The following ZNF530 variants were observed in gnomAD, a reference collection of about 807,000 sequenced individuals.
The protein encoded by ZNF530 is zinc finger protein 530.
Under a neutral mutation model 2.8 loss-of-function variants are expected in ZNF530, and 5 were observed. That is an observed-to-expected ratio of 1.80 (90% CI 0.94 to 3.78). The LOEUF is 3.78. Among genes scored for constraint, ZNF530 ranks in the 30% most tolerant of loss-of-function variants. ZNF530 has a pLI of 0.00. For synonymous variants in ZNF530, 229 were observed against 235.0 expected, an observed-to-expected ratio of 0.97 and a Z score of 0.23; for missense variants, 619 against 673.3, an observed-to-expected ratio of 0.92 and a Z score of 0.89.
intron 2 of ZNF530, 63 bp from the exon 3 acceptor site, chr19:57,604,214 G>T (rs1265472513): frequency 6.2e-7 from 1 of 1,609,302 alleles, no homozygotes; most frequent in Non-Finnish European, 8.5e-7. Context: ...ATGGATGTTT[G>T]GGGGAATCAA....
chr19:57,604,638 C>A, intron 3 of ZNF530: 1 of 427,414 alleles, frequency 2.3e-6, no homozygotes, highest in Non-Finnish European at 4.1e-6. Flanking sequence ...TTCTTTCAAC[C>A]TAAAGGATTT....
Position 57,606,442 on chromosome 19 carries a change from A to G in ZNF530, c.818A>G (p.Gln273Arg). Residue 273 changes from glutamine (Q) to arginine (R), a missense_variant, in exon 4 of 4, where the codon CAG (glutamine) becomes CGG (arginine). Gln to Arg is a conservative substitution (Grantham distance 43). Coordinates refer to ENST00000597700, the MANE Select transcript of ZNF530 (RefSeq NM_001321981.2). ...DCSECGKSFR[Q>R]VSVLIQHQRV... is the part of the protein sequence containing the mutation. ...AGTGAATGTGGCAAATCCTTTCGCC[A>G]GGTATCTGTCCTCATTCAACATCAA... The G allele has an allele frequency of 2.5e-6, 4 of 1,613,788 alleles. No individual in the cohort carries two copies. The highest frequency in any genetic ancestry group is 3.4e-6 in the Non-Finnish European group (4 of 1,179,914).
chr19:57,607,004 C>G lies in ZNF530; in HGVS notation c.1380C>G (p.Cys460Trp), dbSNP rs748544463. Residue 460 changes from cysteine to tryptophan, a missense_variant, in exon 4 of 4, where the codon TGC becomes TGG. Physicochemically the swap from Cys to Trp is radical, Grantham distance 215. Coordinates refer to ENST00000597700, the MANE Select transcript of ZNF530 (RefSeq NM_001321981.2). ...TVHTGERPYE[C>W]SVCGKSFIRK... is the part of the protein sequence containing the mutation. ...ACACTGGAGAAAGGCCTTATGAGTG[C>G]AGTGTATGTGGGAAATCTTTTATCC... 1 of 1,614,134 alleles carries G rather than the reference C, an allele frequency of 6.2e-7. No individual in the cohort carries two copies. The highest frequency in any genetic ancestry group is 1.7e-5 in the Admixed American group (1 of 59,994).
chr19:57,606,753 A>C lies in ZNF530; in HGVS notation c.1129A>C (p.Ser377Arg), dbSNP rs778819015. Residue 377 changes from serine (S) to arginine (R), a missense_variant, in exon 4 of 4, where the codon AGT (serine) becomes CGT (arginine). Ser to Arg is a moderately radical substitution (Grantham distance 110). Coordinates refer to ENST00000597700, the MANE Select transcript of ZNF530 (RefSeq NM_001321981.2). ...FHTGERPYVCSECGKSFGQKS... is the reference protein window; with the variant it reads ...FHTGERPYVCRECGKSFGQKS... ...CACTGGAGAAAGACCTTATGTGTGC[A>C]GTGAATGTGGGAAATCATTTGGCCA... is the stretch of plus-strand genomic sequence containing the variant. 6.2e-7 allele frequency: 1 copy of C among 1,614,118 alleles called. No individual in the cohort carries two copies. Among genetic ancestry groups the C allele is most frequent in the South Asian group, 1.1e-5 (1 of 91,084 alleles).
At chr19:57,603,925 A>T (rs539548254) in intron 2 of ZNF530, among the ~76,000 whole-genome samples, 1 of 152,184 alleles carries the variant, frequency 6.6e-6, no homozygotes, top group African/African-American at 2.4e-5. Flanking sequence ...AGTGATGCAC[A>T]TATGAAGACG....
Position 57,606,609 on chromosome 19 carries a change from C to T in ZNF530, c.985C>T (p.His329Tyr). Residue 329 changes from histidine (H) to tyrosine (Y), a missense_variant, in exon 4 of 4, where the codon CAT (histidine) becomes TAT (tyrosine). Transcript: ENST00000597700. ...ECSECGKSFS[H>Y]STNLFRHWRV... Reference sequence around the variant, plus strand: ...CAGTGAATGTGGAAAATCCTTTAGCCATAGCACTAACCTCTTTCGACACTG... The same window carrying T: ...CAGTGAATGTGGAAAATCCTTTAGCTATAGCACTAACCTCTTTCGACACTG... The T allele has an allele frequency of 1.2e-6, 2 of 1,613,922 alleles. No homozygotes were observed. Among genetic ancestry groups the T allele is most frequent in the Non-Finnish European group, 1.7e-6 (2 of 1,179,982 alleles).
downstream of ZNF530, chr19:57,612,701 A>C (rs1297663146): frequency 5.1e-6 from 2 of 390,736 alleles, no homozygotes; most frequent in East Asian, 7.2e-5. Flanking sequence ...TAAATAAATA[A>C]AATTACATTT....
downstream of ZNF530, among the ~76,000 whole-genome samples, chr19:57,611,638 T>C (rs954060883): frequency 1.3e-5 from 2 of 152,190 alleles, no homozygotes; most frequent in African/African-American, 4.8e-5. Context: ...TGTGGTTCAC[T>C]GGCTCCAGGT....
chr19:57,606,354 A>C lies in ZNF530; in HGVS notation c.730A>C (p.Ser244Arg). The change falls in exon 4 of 4, where the codon AGT (serine) becomes CGT (arginine). Residue 244 changes from serine to arginine, a missense_variant. Coordinates refer to ENST00000597700, the MANE Select transcript of ZNF530 (RefSeq NM_001321981.2). ...HECSECGKSFSRKTHLTQHQR... is the reference protein window; with the variant it reads ...HECSECGKSFRRKTHLTQHQR... ...ATGTAGTGAATGTGGGAAATCATTT[A>C]GTCGCAAAACTCACCTAACTCAACA... is the stretch of plus-strand genomic sequence containing the variant. 1 of 1,614,182 alleles carries C rather than the reference A, an allele frequency of 6.2e-7. No individual in the cohort carries two copies. Among genetic ancestry groups the C allele is most frequent in the Non-Finnish European group, 8.5e-7 (1 of 1,179,990 alleles).
At chr19:57,612,435 A>G, downstream of ZNF530, 1 of 400,470 alleles carries the variant, frequency 2.5e-6, no homozygotes, top group Non-Finnish European at 4.4e-6. Context: ...GCATAATACT[A>G]CAGCATCCCT....
chr19:57,599,907 T>A lies in ZNF530; in HGVS notation c.-349T>A, dbSNP rs1253217052. The A allele has an allele frequency of 1.9e-6, 1 of 531,340 alleles. No homozygotes were observed. Among genetic ancestry groups the A allele is most frequent in the Admixed American group, 3.2e-5 (1 of 31,140 alleles). 32.9% of individuals were successfully genotyped at this position (531,340 alleles called of 1,614,324 possible). On this transcript the variant is annotated 5_prime_UTR_variant, in exon 1 of 4. Coordinates refer to ENST00000597700, the MANE Select transcript of ZNF530 (RefSeq NM_001321981.2). ...AGCGGAACTTCCGGCGTCCTCCCTGTGGCGGGCACTTTGGCTTGTGTCAGT... is the reference window on the plus strand; with the variant it reads ...AGCGGAACTTCCGGCGTCCTCCCTGAGGCGGGCACTTTGGCTTGTGTCAGT...
chr19:57,606,439 G>C lies in ZNF530; in HGVS notation c.815G>C (p.Arg272Pro), dbSNP rs140334781. 1 of 1,613,778 alleles carries C rather than the reference G, an allele frequency of 6.2e-7. No individual in the cohort carries two copies. Among genetic ancestry groups the C allele is most frequent in the Admixed American group, 1.7e-5 (1 of 59,994 alleles). The part of the protein sequence containing the change: ...YDCSECGKSF[R>P]QVSVLIQHQR... The stretch of plus-strand genomic sequence containing the variant: ...TGCAGTGAATGTGGCAAATCCTTTC[G>C]CCAGGTATCTGTCCTCATTCAACAT... The change falls in exon 4 of 4, where the codon CGC (arginine) becomes CCC (proline). Residue 272 changes from arginine (R) to proline (P), a missense_variant. Transcript: ENST00000597700.
downstream of ZNF530, chr19:57,612,551 C>A: frequency 2.5e-6 from 1 of 399,230 alleles, no homozygotes; most frequent in Non-Finnish European, 4.4e-6. Flanking sequence ...CATGGTGGCT[C>A]ACATCTGTAA....
chr19:57,603,165 A>G (rs1980327866), intron 2 of ZNF530, among the ~76,000 whole-genome samples: 1 of 152,212 alleles, frequency 6.6e-6, no homozygotes, highest in African/African-American at 2.4e-5. Context: ...CTGGGATTAG[A>G]GGCGTGAGCC....
chr19:57,611,143 T>G (rs1319517575), downstream of ZNF530, among the ~76,000 whole-genome samples: 23 of 152,218 alleles, frequency 1.5e-4, no homozygotes. Context: ...CTGCCAGTGA[T>G]TTTGCAGCAG....
At chr19:57,600,189 C>T in intron 1 of ZNF530, 55 bp downstream of exon 1, 3 of 1,534,570 alleles carry the variant, frequency 2.0e-6, no homozygotes, top group Non-Finnish European at 8.8e-7. Flanking sequence ...AACTGAGGGA[C>T]GCGTGAAGGG....
downstream of ZNF530, among the ~76,000 whole-genome samples, chr19:57,610,517 T>G (rs1980836214): frequency 6.6e-6 from 1 of 152,090 alleles, no homozygotes; most frequent in Admixed American, 6.6e-5. Flanking sequence ...TATAAAAAGT[T>G]ATTCCATTTA....
rs113812257 is a variant in ZNF530, at chr19:57,605,537, T to A, written c.62-149T>A. On this transcript the variant is annotated intron_variant, in intron 3 of 3. Coordinates refer to ENST00000597700, the MANE Select transcript of ZNF530 (RefSeq NM_001321981.2). Reference sequence around the variant, plus strand: ...TCATCTCATAAGGCCTCCCTTGTTCTGTGACTTGTAGAGGCTTTTTTCCAC... The same window carrying A: ...TCATCTCATAAGGCCTCCCTTGTTCAGTGACTTGTAGAGGCTTTTTTCCAC... 75 of 710,972 alleles carry A rather than the reference T, an allele frequency of 1.1e-4. No individual in the cohort carries two copies. The African/African-American group carries it at 1.3e-3, about 12-fold the overall frequency. The allele number at this position is 710,972 out of a possible 1,614,324, so 44.0% of individuals were successfully genotyped here.
chr19:57,599,902 C>T lies in ZNF530; in HGVS notation c.-354C>T, dbSNP rs184049834. The T allele has an allele frequency of 9.7e-4, 507 of 524,862 alleles. 1 individual carries two copies. Among genetic ancestry groups the T allele is most frequent in the Non-Finnish European group, 1.1e-3 (335 of 298,512 alleles). The allele number at this position is 524,862 out of a possible 1,614,324, so 32.5% of individuals were successfully genotyped here. A position where few individuals can be genotyped will look rare whatever the true frequency, so the allele number is the denominator to read the frequency against. On this transcript the variant is annotated 5_prime_UTR_variant, in exon 1 of 4. Coordinates refer to ENST00000597700, the MANE Select transcript of ZNF530 (RefSeq NM_001321981.2). ...GTCGGAGCGGAACTTCCGGCGTCCT[C>T]CCTGTGGCGGGCACTTTGGCTTGTG...
Sources: allele counts gnomAD v4.1 joint callset (sites outside exome capture counted in the v4.1 genomes callset), GRCh38; gene constraint gnomAD v4.1.1; transcripts MANE v1.5; gene names NCBI Gene and HGNC (gene_info 2026-07-23, HGNC 2026-07-21).